Variants in SLC24A3 observed in about 807,000 individuals in gnomAD.
SLC24A3 encodes sodium/potassium/calcium exchanger 3.
Under a neutral mutation model 75.8 loss-of-function variants are expected in SLC24A3, and 28 were observed. The ratio of observed to expected loss-of-function variants is 0.37; its 90% CI spans 0.27 to 0.51. The LOEUF (loss-of-function observed/expected upper bound fraction) is 0.51. SLC24A3 is among the 20% of genes least tolerant of loss of function. SLC24A3 has a pLI of 0.94. For synonymous variants in SLC24A3, 372 were observed against 334.1 expected (o/e 1.11, Z -1.24); for missense variants, 663 against 847.8 (o/e 0.78, Z 2.71).
chr20:19,322,291 C>A (rs1984725962), intron 2 of SLC24A3, among the ~76,000 whole-genome samples: 1 of 151,938 alleles, frequency 6.6e-6, no homozygotes, highest in Non-Finnish European at 1.5e-5. Context: ...AGCTGGTATT[C>A]CTCTCTAAAT....
At chr20:19,440,258 A>C (rs933636673) in intron 2 of SLC24A3, among the ~76,000 whole-genome samples, 10 of 152,144 alleles carry the variant, frequency 6.6e-5, no homozygotes, top group African/African-American at 2.4e-4. Flanking sequence ...CCGTGCATCC[A>C]CTCACCTTAT....
intron 2 of SLC24A3, among the ~76,000 whole-genome samples, chr20:19,328,248 A>C (rs987465696): frequency 2.6e-5 from 4 of 151,320 alleles, no homozygotes; most frequent in Admixed American, 2.6e-4. Context: ...AGGGACGTCA[A>C]AGGTCGTGGG....
At chr20:19,491,497 G>A (rs1405150177) in intron 2 of SLC24A3, among the ~76,000 whole-genome samples, 1 of 152,136 alleles carries the variant, frequency 6.6e-6, no homozygotes, top group Admixed American at 6.5e-5. Flanking sequence ...CCTTGTCCTC[G>A]ATGGACAAAG....
intron 15 of SLC24A3, among the ~76,000 whole-genome samples, chr20:19,717,026 A>G (rs190276097): frequency 1.3e-5 from 2 of 152,318 alleles, no homozygotes; most frequent in African/African-American, 4.8e-5. Context: ...CACAACAGCA[A>G]CCCTCCTCCA....
intron 1 of SLC24A3, among the ~76,000 whole-genome samples, chr20:19,233,676 A>G (rs1023580145): frequency 6.6e-6 from 1 of 152,256 alleles, no homozygotes; most frequent in Non-Finnish European, 1.5e-5. Context: ...TTCTGCTATG[A>G]AGGACGGTAT....
At chr20:19,306,007 T>C (rs1984317597) in intron 2 of SLC24A3, among the ~76,000 whole-genome samples, 2 of 151,996 alleles carry the variant, frequency 1.3e-5, no homozygotes, top group African/African-American at 4.8e-5. Context: ...GTCTAGAATC[T>C]ATAAGGAACT....
chr20:19,537,024 A>G lies in SLC24A3; in HGVS notation c.348+21460A>G, dbSNP rs1327944163. ...TGGCAACAAAAGCCAAAATTGACAA[A>G]TGGGATCTAATTAAACTAAAGAGCT... On this transcript the variant is annotated intron_variant, in intron 3 of 16. Coordinates refer to ENST00000328041, the MANE Select transcript of SLC24A3 (RefSeq NM_020689.4). 2.0e-5 allele frequency among the ~76,000 whole-genome samples: 3 copies of G among 152,206 alleles called. No homozygotes were observed. The South Asian group carries it at 6.2e-4, about 32-fold the overall frequency.
At chr20:19,635,460 G>T (rs183228796) in intron 6 of SLC24A3, among the ~76,000 whole-genome samples, 1 of 152,280 alleles carries the variant, frequency 6.6e-6, no homozygotes, top group East Asian at 1.9e-4. Context: ...ACAAATCTTT[G>T]TGCATCAGGT....
chr20:19,384,324 T>C (rs2122377483), intron 2 of SLC24A3, among the ~76,000 whole-genome samples: 1 of 152,318 alleles, frequency 6.6e-6, no homozygotes, highest in East Asian at 1.9e-4. Context: ...CTGAACAACA[T>C]CTCAACATCT....
chr20:19,713,501 A>G (rs891241933), intron 15 of SLC24A3, among the ~76,000 whole-genome samples: 2 of 152,120 alleles, frequency 1.3e-5, no homozygotes, highest in Non-Finnish European at 2.9e-5. Context: ...CCTCCTTATA[A>G]TGCATATTCC....
chr20:19,304,947 C>A (rs1447411075), intron 2 of SLC24A3, among the ~76,000 whole-genome samples: 1 of 151,988 alleles, frequency 6.6e-6, no homozygotes, highest in South Asian at 2.1e-4. Context: ...TTTTTCTTTC[C>A]TTTTTGAATG....
At chr20:19,330,032 C>T (rs997628985) in intron 2 of SLC24A3, among the ~76,000 whole-genome samples, 1 of 152,198 alleles carries the variant, frequency 6.6e-6, no homozygotes, top group African/African-American at 2.4e-5. Flanking sequence ...CTCAGAAGGG[C>T]TCCTTAACAC....
intron 9 of SLC24A3, among the ~76,000 whole-genome samples, chr20:19,676,861 C>A (rs577247970): frequency 1.1e-4 from 16 of 152,306 alleles, no homozygotes; most frequent in African/African-American, 1.7e-4. Context: ...AGAACCAGTG[C>A]CTCACATTCA....
rs1354667821 is a variant in SLC24A3, at chr20:19,722,077, C to G, written c.*937C>G. 1.3e-5 allele frequency: 2 copies of G among 152,758 alleles called. No homozygotes were observed. Among genetic ancestry groups the G allele is most frequent in the African/African-American group, 4.8e-5 (2 of 41,456 alleles). The allele number at this position is 152,758 out of a possible 1,614,324, so 9.5% of individuals were successfully genotyped here. On this transcript the variant is annotated 3_prime_UTR_variant, in exon 17 of 17. Transcript: ENST00000328041. ...GCCAGGCAGTCAAAAACAGAAGCTT[C>G]CCCGACTTGTGAGTCCCTGAGATGT...
Position 19,251,571 on chromosome 20 carries a change from C to T in SLC24A3, c.143-29388C>T, listed in dbSNP as rs1187587494. ...GAACACTGCAGGGGACAACGAGGGC[C>T]CAGCTCTAGCCGGGGTCTCAGAGAG... On this transcript the variant is annotated intron_variant, in intron 1 of 16. Transcript: ENST00000328041. Among the ~76,000 whole-genome samples the T allele has an allele frequency of 3.3e-5, 5 of 152,120 alleles. No homozygotes were observed. In the East Asian group the frequency reaches 9.7e-4, roughly 29 times the overall value.
At chr20:19,642,933 A>G (rs187884109) in intron 6 of SLC24A3, among the ~76,000 whole-genome samples, 93 of 152,304 alleles carry the variant, frequency 6.1e-4, no homozygotes, top group Middle Eastern at 3.4e-3. Flanking sequence ...GGGGGGAAAT[A>G]TCTTCCAAGC....
chr20:19,600,303 C>A (rs16980864), intron 6 of SLC24A3, among the ~76,000 whole-genome samples: 2,148 of 152,284 alleles, frequency 0.014, 22 homozygotes, highest in Non-Finnish European at 0.019. Context: ...AGAACACCTA[C>A]TAAGAGTCAT....
intron 2 of SLC24A3, among the ~76,000 whole-genome samples, chr20:19,440,343 G>A (rs1233576621): frequency 6.6e-6 from 1 of 152,218 alleles, no homozygotes; most frequent in South Asian, 2.1e-4. Context: ...AATCTCAGAA[G>A]GAGCTGGCAA....
intron 6 of SLC24A3, among the ~76,000 whole-genome samples, chr20:19,592,212 A>G (rs114993078): frequency 6.6e-6 from 1 of 152,250 alleles, no homozygotes; most frequent in South Asian, 2.1e-4. Context: ...CTGACGAGCC[A>G]TAATGTTGGG....
Sources: gnomAD v4.1 joint callset for allele counts (sites outside exome capture counted in the v4.1 genomes callset) on GRCh38, gnomAD v4.1.1 for gene constraint, MANE v1.5 for transcripts, NCBI Gene and HGNC (gene_info 2026-07-23, HGNC 2026-07-21) for gene names.